Variants in FHIT observed in about 807,000 individuals in gnomAD.
FHIT encodes the protein fragile histidine triad diadenosine triphosphatase.
FHIT carries 19 observed loss-of-function variants against 17.9 expected under a neutral mutation model. That is an observed-to-expected ratio of 1.06 (90% CI 0.74 to 1.56). The LOEUF is 1.56. FHIT is among the 40% of genes most tolerant of loss of function. FHIT has a pLI of 0.00. For synonymous variants in FHIT, 81 were observed against 69.7 expected (o/e 1.16, Z -0.81); for missense variants, 248 against 189.2 (o/e 1.31, Z -1.82).
At chr3:59,933,518 T>G (rs1439461612) in intron 7 of FHIT, among the ~76,000 whole-genome samples, 1 of 152,284 alleles carries the variant, frequency 6.6e-6, no homozygotes, top group East Asian at 1.9e-4. Context: ...ATTAAATAAA[T>G]TGTGCAAGCT....
At chr3:59,787,481 A>AACACACACACAC (rs58100812) in intron 8 of FHIT, among the ~76,000 whole-genome samples, 48 of 142,502 alleles carry the variant, frequency 3.4e-4, no homozygotes, top group African/African-American at 9.2e-4. Flanking sequence ...CAAGGGGCAA[A>AACACACACACAC]ACACACACAC....
intron 1 of FHIT, 22 bp downstream of exon 1, chr3:61,251,279 G>T (rs2040618166): frequency 6.6e-6 from 1 of 152,412 alleles, no homozygotes; most frequent in Non-Finnish European, 1.5e-5. Context: ...TATTCCACTT[G>T]GGCTTGCCTC....
intron 4 of FHIT, among the ~76,000 whole-genome samples, chr3:60,637,008 TC>T (rs2039604766): frequency 6.6e-6 from 1 of 152,154 alleles, no homozygotes; most frequent in African/African-American, 2.4e-5. Context: ...CAGGTGGATC[TC>T]CTTGGGAAAC....
At chr3:61,113,087 T>A (rs1296947220) in intron 2 of FHIT, among the ~76,000 whole-genome samples, 1 of 152,090 alleles carries the variant, frequency 6.6e-6, no homozygotes, top group Non-Finnish European at 1.5e-5. Flanking sequence ...TACTGCTGCC[T>A]TGACTTCCCA....
intron 5 of FHIT, among the ~76,000 whole-genome samples, chr3:60,177,815 T>C (rs946526423): frequency 2.6e-5 from 4 of 152,232 alleles, no homozygotes; most frequent in Admixed American, 2.6e-4. Flanking sequence ...CCCACTAAAA[T>C]ACTGTCATTT....
chr3:60,389,011 G>T (rs1442639793), intron 5 of FHIT, among the ~76,000 whole-genome samples: 1 of 152,164 alleles, frequency 6.6e-6, no homozygotes, highest in Non-Finnish European at 1.5e-5. Context: ...TCCTGGTGTC[G>T]TCTGGCTGTA....
In FHIT at chr3:60,861,179, T is replaced by TATATATGATATATATC. The variant is rs1195264887; in HGVS notation, c.-110-39184_-110-39169dup. Reference sequence around the variant, plus strand: ...TACATATATATCATATGTTCTATGATATATATGATATATATCATATATGAT... The same window carrying TATATATGATATATATC: ...TACATATATATCATATGTTCTATGATATATATGATATATATCATATATGATATATATCATATATGAT... On this transcript the variant is annotated intron_variant, in intron 3 of 9. Transcript: ENST00000492590. Among the ~76,000 whole-genome samples, 2 of 21,164 alleles carry TATATATGATATATATC rather than the reference T, an allele frequency of 9.5e-5. 1 individual carries two copies. The highest frequency in any genetic ancestry group is 2.5e-4 in the African/African-American group (2 of 8,132). The allele number at this position is 21,164 out of a possible 152,430, so 13.9% of individuals were successfully genotyped here. A position where few individuals can be genotyped will look rare whatever the true frequency, so the allele number is the denominator to read the frequency against.
chr3:60,730,083 C>T, intron 4 of FHIT: 3 of 512,140 alleles, frequency 5.9e-6, no homozygotes, highest in South Asian at 3.1e-5. Flanking sequence ...AAAATCTCTT[C>T]AGGTAGTAGA....
At chr3:60,007,706 G>A (rs377247181) in intron 7 of FHIT, among the ~76,000 whole-genome samples, 7 of 152,104 alleles carry the variant, frequency 4.6e-5, no homozygotes, top group Non-Finnish European at 8.8e-5. Flanking sequence ...GTATTTTTAC[G>A]GACAGTCATG....
At chr3:61,048,367 A>T (rs2033893907) in intron 2 of FHIT, among the ~76,000 whole-genome samples, 3 of 152,246 alleles carry the variant, frequency 2.0e-5, no homozygotes, top group Non-Finnish European at 4.4e-5. Context: ...GCCAACAGAC[A>T]CATGAAAAAA....
chr3:61,042,437 G>C (rs2033564117), intron 2 of FHIT, among the ~76,000 whole-genome samples: 1 of 152,122 alleles, frequency 6.6e-6, no homozygotes, highest in Admixed American at 6.5e-5. Flanking sequence ...GGGTATAAAA[G>C]AAACAAAACT....
intron 2 of FHIT, among the ~76,000 whole-genome samples, chr3:61,128,249 C>T (rs2036667207): frequency 6.6e-6 from 1 of 152,168 alleles, no homozygotes; most frequent in Non-Finnish European, 1.5e-5. Flanking sequence ...TCACAGAATA[C>T]AGTGCAAGGC....
chr3:59,939,187 G>T (rs571268141), intron 7 of FHIT, among the ~76,000 whole-genome samples: 1 of 152,292 alleles, frequency 6.6e-6, no homozygotes, highest in African/African-American at 2.4e-5. Flanking sequence ...ATGAAAAATT[G>T]ATCATGTTTC....
intron 5 of FHIT, among the ~76,000 whole-genome samples, chr3:60,365,546 A>G (rs1433742789): frequency 6.6e-6 from 1 of 152,176 alleles, no homozygotes; most frequent in African/African-American, 2.4e-5. Context: ...CTGTTAAGTC[A>G]TATTTCTTCC....
At chr3:61,210,826 A>C (rs1396843623) in intron 1 of FHIT, among the ~76,000 whole-genome samples, 1 of 151,680 alleles carries the variant, frequency 6.6e-6, no homozygotes, top group Non-Finnish European at 1.5e-5. Flanking sequence ...CACCCACTGT[A>C]TTGCACTCCC....
intron 1 of FHIT, among the ~76,000 whole-genome samples, chr3:61,207,221 C>G (rs1303300778): frequency 6.6e-6 from 1 of 152,086 alleles, no homozygotes; most frequent in Non-Finnish European, 1.5e-5. Context: ...TTCGGTTTGC[C>G]AGTATTTTAT....
chr3:61,115,152 T>G (rs2036264411), intron 2 of FHIT, among the ~76,000 whole-genome samples: 1 of 152,142 alleles, frequency 6.6e-6, no homozygotes, highest in Non-Finnish European at 1.5e-5. Flanking sequence ...AAGACTTGAT[T>G]TTATGGAATC....
chr3:59,818,210 G>A (rs1359563892), intron 8 of FHIT, among the ~76,000 whole-genome samples: 2 of 152,024 alleles, frequency 1.3e-5, no homozygotes, highest in African/African-American at 4.8e-5. Flanking sequence ...CTAAGTACCC[G>A]GAGCATTCAT....
At chr3:61,231,771 T>C (rs527778483) in intron 1 of FHIT, among the ~76,000 whole-genome samples, 1 of 152,242 alleles carries the variant, frequency 6.6e-6, no homozygotes, top group African/African-American at 2.4e-5. Context: ...AAGAGACAAC[T>C]TCAAATTGTA....
Sources: gnomAD v4.1 joint callset for allele counts (sites outside exome capture counted in the v4.1 genomes callset) on GRCh38, gnomAD v4.1.1 for gene constraint, MANE v1.5 for transcripts, NCBI Gene and HGNC (gene_info 2026-07-23, HGNC 2026-07-21) for gene names.